PTPRO: variants seen among roughly 807,000 people sequenced by gnomAD.
PTPRO encodes the protein protein tyrosine phosphatase receptor type O.
Under a neutral mutation model 145.2 loss-of-function variants are expected in PTPRO, and 62 were observed. The observed-to-expected ratio is 0.43, with a 90% CI of 0.35 to 0.53. PTPRO has a LOEUF of 0.53. PTPRO is among the 20% of genes least tolerant of loss of function. The probability of loss-of-function intolerance (pLI) is 0.01; values close to 1 mark genes in which losing one functional copy is unlikely to be tolerated. For synonymous variants in PTPRO, 565 were observed against 514.7 expected (o/e 1.10, Z -1.32); for missense variants, 1,345 against 1,482.7 (o/e 0.91, Z 1.53).
intron 1 of PTPRO, among the ~76,000 whole-genome samples, chr12:15,395,976 G>A (rs1368070712): frequency 6.6e-6 from 1 of 152,174 alleles, no homozygotes; most frequent in African/African-American, 2.4e-5. Context: ...GGTTATAAAT[G>A]AAAGTAGGTG....
At chr12:15,461,308 G>A (rs1467201641) in intron 1 of PTPRO, among the ~76,000 whole-genome samples, 1 of 152,028 alleles carries the variant, frequency 6.6e-6, no homozygotes, top group Non-Finnish European at 1.5e-5. Context: ...TGCCATTTTG[G>A]ACCAAACCAA....
chr12:15,501,589 T>C, intron 4 of PTPRO, 31 bp from the exon 5 acceptor site: 2 of 1,570,138 alleles, frequency 1.3e-6, no homozygotes, highest in Non-Finnish European at 1.8e-6. Flanking sequence ...AATTAAAAAA[T>C]ACTTGAAAAT....
chr12:15,490,435 A>G (rs1171037072), intron 2 of PTPRO, among the ~76,000 whole-genome samples: 1 of 152,232 alleles, frequency 6.6e-6, no homozygotes, highest in East Asian at 1.9e-4. Context: ...TGGCTATATT[A>G]TAATTAAACT....
chr12:15,584,796 C>T (rs1464081376), intron 23 of PTPRO, among the ~76,000 whole-genome samples: 2 of 151,976 alleles, frequency 1.3e-5, no homozygotes, highest in Non-Finnish European at 2.9e-5. Context: ...TGGAAACTTT[C>T]CAATTATAAA....
chr12:15,572,700 A>C (rs1026288101), intron 19 of PTPRO, among the ~76,000 whole-genome samples: 9 of 152,170 alleles, frequency 5.9e-5, no homozygotes, highest in African/African-American at 2.2e-4. Flanking sequence ...GTATTTAAAA[A>C]ATAATCATGT....
intron 19 of PTPRO, among the ~76,000 whole-genome samples, chr12:15,572,160 C>T (rs1274791015): frequency 6.6e-6 from 1 of 151,980 alleles, no homozygotes; most frequent in African/African-American, 2.4e-5. Context: ...GGCTTGGGGG[C>T]GGATGATGTA....
At chr12:15,592,199 A>G (rs1944568283) in intron 25 of PTPRO, among the ~76,000 whole-genome samples, 3 of 151,986 alleles carry the variant, frequency 2.0e-5, no homozygotes, top group Admixed American at 2.0e-4. Context: ...TCTGCCTAAG[A>G]TTCTCCTTAA....
chr12:15,344,797 C>A (rs755016342), intron 1 of PTPRO, among the ~76,000 whole-genome samples: 11 of 152,186 alleles, frequency 7.2e-5, no homozygotes, highest in Non-Finnish European at 1.5e-4. Context: ...ATGGCACCAT[C>A]CCTCCATGAT....
intron 18 of PTPRO, among the ~76,000 whole-genome samples, chr12:15,567,350 T>C (rs1356022765): frequency 6.6e-6 from 1 of 152,116 alleles, no homozygotes. Flanking sequence ...TCTCCACTTG[T>C]CTTCATTCCA....
At chr12:15,504,800 C>A (rs899542944) in intron 6 of PTPRO, among the ~76,000 whole-genome samples, 1 of 152,186 alleles carries the variant, frequency 6.6e-6, no homozygotes, top group South Asian at 2.1e-4. Flanking sequence ...AAAAGGATAA[C>A]CACCACATAT....
intron 18 of PTPRO, among the ~76,000 whole-genome samples, chr12:15,566,175 C>A (rs1375698046): frequency 6.6e-6 from 1 of 152,072 alleles, no homozygotes; most frequent in Non-Finnish European, 1.5e-5. Context: ...AAATTAACCC[C>A]CAGTTGATTT....
chr12:15,422,470 A>G (rs1940173572), intron 1 of PTPRO, among the ~76,000 whole-genome samples: 1 of 152,176 alleles, frequency 6.6e-6, no homozygotes, highest in African/African-American at 2.4e-5. Flanking sequence ...CTAATGTTTT[A>G]TATAGTAGGT....
chr12:15,393,722 T>C (rs575750962), intron 1 of PTPRO, among the ~76,000 whole-genome samples: 2 of 152,258 alleles, frequency 1.3e-5, no homozygotes, highest in South Asian at 2.1e-4. Flanking sequence ...TACCCAGTTC[T>C]TCCTAATCAT....
intron 1 of PTPRO, among the ~76,000 whole-genome samples, chr12:15,353,145 A>G (rs1937865672): frequency 6.6e-6 from 1 of 152,186 alleles, no homozygotes; most frequent in East Asian, 1.9e-4. Context: ...GCAGGTTACA[A>G]TATCCATTAG....
rs1941333056 is a variant in PTPRO at position 15,462,730 on chromosome 12, A to G, written c.76-21244A>G. On this transcript the variant is annotated intron_variant, in intron 1 of 26. Coordinates refer to ENST00000281171, the MANE Select transcript of PTPRO (RefSeq NM_030667.3). The stretch of plus-strand genomic sequence containing the variant: ...AAGGAATAGGCATAATTCACTCAAG[A>G]CATGTAGAGAAATTCCTGGCATATA... Among the ~76,000 whole-genome samples the G allele has an allele frequency of 2.0e-5, 3 of 152,184 alleles. No homozygotes were observed. The South Asian group carries it at 6.2e-4, about 32-fold the overall frequency.
At chr12:15,517,096 C>T (rs1349957301) in intron 9 of PTPRO, 140 bp downstream of exon 9, 1 of 854,522 alleles carries the variant, frequency 1.2e-6, no homozygotes, top group Non-Finnish European at 1.9e-6. Context: ...TTTCACACTG[C>T]TGATAAAGAA....
chr12:15,363,320 T>C (rs1261131816), intron 1 of PTPRO, among the ~76,000 whole-genome samples: 3 of 152,166 alleles, frequency 2.0e-5, no homozygotes, highest in Non-Finnish European at 2.9e-5. Context: ...CACATGACGT[T>C]TAATCATGCT....
intron 1 of PTPRO, among the ~76,000 whole-genome samples, chr12:15,370,545 C>A (rs1481702939): frequency 1.3e-5 from 2 of 152,036 alleles, no homozygotes; most frequent in African/African-American, 2.4e-5. Flanking sequence ...TGTCAAATTT[C>A]ATTATAAATA....
At chr12:15,404,188 C>CAAAAAAAA (rs370733389) in intron 1 of PTPRO, among the ~76,000 whole-genome samples, 2 of 49,994 alleles carry the variant, frequency 4.0e-5, no homozygotes, top group African/African-American at 1.2e-4. Flanking sequence ...GACCCCATCT[C>CAAAAAAAA]AAAAAAAAAA....
Sources: gnomAD v4.1 joint callset for allele counts (sites outside exome capture counted in the v4.1 genomes callset) on GRCh38, gnomAD v4.1.1 for gene constraint, MANE v1.5 for transcripts, NCBI Gene and HGNC (gene_info 2026-07-23, HGNC 2026-07-21) for gene names.